MYO3B: variants seen among roughly 807,000 people sequenced by gnomAD.
The protein encoded by MYO3B is myosin-IIIb.
Under a neutral mutation model 174.6 loss-of-function variants are expected in MYO3B, and 156 were observed. The ratio of observed to expected loss-of-function variants is 0.89; its 90% CI spans 0.78 to 1.02. The LOEUF (loss-of-function observed/expected upper bound fraction) is 1.02. Among genes scored for constraint, MYO3B ranks in the 50% least tolerant of loss-of-function variants. The pLI, the probability that MYO3B is intolerant of heterozygous loss-of-function variation, is 0.00. For synonymous variants in MYO3B, 563 were observed against 569.1 expected (o/e 0.99, Z 0.15); for missense variants, 1,632 against 1,639.4 (o/e 1.00, Z 0.08).
chr2:170,402,985 C>A lies in MYO3B; in HGVS notation c.2267C>A (p.Ala756Asp). ...TACTATTTCAATCAGCATGTTTTTG[C>A]TCTTGAGCAGGTAATAGTGAACTCT... ...IQYYFNQHVF[A>D]LEQMEYQNEG... The change falls in exon 19 of 35, where the codon GCT (alanine) becomes GAT (aspartate). Residue 756 changes from alanine to aspartate, a missense_variant. Transcript: ENST00000408978. The A allele has an allele frequency of 6.2e-7, 1 of 1,600,192 alleles. No homozygotes were observed. The highest frequency in any genetic ancestry group is 8.6e-7 in the Non-Finnish European group (1 of 1,169,212).
intron 32 of MYO3B, among the ~76,000 whole-genome samples, chr2:170,599,806 G>T (rs1694387401): frequency 6.6e-6 from 1 of 152,070 alleles, no homozygotes; most frequent in South Asian, 2.1e-4. Context: ...TAGAGTGCTT[G>T]CCCTTAGTCT....
At chr2:170,238,971 T>C (rs1417876720) in intron 7 of MYO3B, among the ~76,000 whole-genome samples, 1 of 152,196 alleles carries the variant, frequency 6.6e-6, no homozygotes, top group Admixed American at 6.5e-5. Context: ...TTTCCCACTT[T>C]GCAAACACAC....
intron 7 of MYO3B, among the ~76,000 whole-genome samples, chr2:170,237,697 G>A (rs1387750275): frequency 6.6e-6 from 1 of 152,148 alleles, no homozygotes; most frequent in African/African-American, 2.4e-5. Flanking sequence ...TGTGGAATAC[G>A]AGTAACTAAG....
chr2:170,244,840 A>G (rs1299037949), intron 7 of MYO3B, among the ~76,000 whole-genome samples: 1 of 152,190 alleles, frequency 6.6e-6, no homozygotes. Context: ...ATATATTTGT[A>G]TCTTTGGCCT....
At chr2:170,417,928 T>C (rs1426364829) in intron 22 of MYO3B, among the ~76,000 whole-genome samples, 9 of 152,120 alleles carry the variant, frequency 5.9e-5, no homozygotes, top group Non-Finnish European at 1.2e-4. Flanking sequence ...CACAATTCAA[T>C]GTATAATAGG....
chr2:170,561,015 T>C (rs957919712), intron 32 of MYO3B, among the ~76,000 whole-genome samples: 1 of 152,244 alleles, frequency 6.6e-6, no homozygotes, highest in Non-Finnish European at 1.5e-5. Flanking sequence ...ACACTTGTAC[T>C]CTGCCTTCTG....
intron 7 of MYO3B, among the ~76,000 whole-genome samples, chr2:170,325,717 G>C (rs751103789): frequency 1.3e-5 from 2 of 152,064 alleles, no homozygotes; most frequent in African/African-American, 2.4e-5. Flanking sequence ...TGCTCTCAGC[G>C]TAGTTAAGCT....
intron 30 of MYO3B, among the ~76,000 whole-genome samples, chr2:170,540,165 TA>T (rs1454909419): frequency 6.6e-6 from 1 of 151,924 alleles, no homozygotes; most frequent in African/African-American, 2.4e-5. Context: ...CTCCAAATAA[TA>T]AAAAATTAGC....
chr2:170,372,245 TC>T (rs1558934695), intron 9 of MYO3B, among the ~76,000 whole-genome samples: 1 of 152,020 alleles, frequency 6.6e-6, no homozygotes, highest in Non-Finnish European at 1.5e-5. Flanking sequence ...CAAAGTTTCT[TC>T]TATAAAACGG....
At chr2:170,372,035 C>T (rs968987384) in intron 9 of MYO3B, among the ~76,000 whole-genome samples, 11 of 141,982 alleles carry the variant, frequency 7.7e-5, no homozygotes, top group Non-Finnish European at 1.5e-4. Flanking sequence ...GGCAGGATCA[C>T]TTGAGCCCAG....
chr2:170,499,215 A>G (rs1405730833), intron 26 of MYO3B, among the ~76,000 whole-genome samples: 3 of 152,184 alleles, frequency 2.0e-5, no homozygotes. Context: ...GACGATGGCA[A>G]CACTGCTCCT....
At chr2:170,577,054 A>G (rs1216236806) in intron 32 of MYO3B, among the ~76,000 whole-genome samples, 5 of 152,168 alleles carry the variant, frequency 3.3e-5, no homozygotes, top group Admixed American at 3.3e-4. Context: ...GTTCAGTTGC[A>G]TAAGGAAGCC....
At chr2:170,621,544 T>C (rs1208255250) in intron 32 of MYO3B, among the ~76,000 whole-genome samples, 2 of 150,470 alleles carry the variant, frequency 1.3e-5, no homozygotes, top group African/African-American at 2.5e-5. Flanking sequence ...AGAGTCTCAC[T>C]CTGTGCCCAG....
chr2:170,467,166 A>G (rs1212900422), intron 25 of MYO3B, among the ~76,000 whole-genome samples: 1 of 152,218 alleles, frequency 6.6e-6, no homozygotes, highest in Non-Finnish European at 1.5e-5. Context: ...GTATTATCTC[A>G]TTTGATCCAT....
intron 8 of MYO3B, among the ~76,000 whole-genome samples, chr2:170,351,798 A>G (rs1195133354): frequency 6.6e-6 from 1 of 152,222 alleles, no homozygotes; most frequent in Non-Finnish European, 1.5e-5. Context: ...AAATTCATGG[A>G]ATAGTCTGAA....
At chr2:170,266,990 A>G (rs1475484014) in intron 7 of MYO3B, among the ~76,000 whole-genome samples, 2 of 152,360 alleles carry the variant, frequency 1.3e-5, no homozygotes, top group South Asian at 2.1e-4. Flanking sequence ...AAACCCCACT[A>G]TCTGATTAAC....
intron 23 of MYO3B, among the ~76,000 whole-genome samples, chr2:170,462,259 T>C (rs777853264): frequency 6.6e-6 from 1 of 152,242 alleles, no homozygotes. Context: ...AAAGCTGCAC[T>C]GTCTCTGATG....
chr2:170,648,712 T>TATATAATATATATTATATTCC (rs1698590552), intron 32 of MYO3B, among the ~76,000 whole-genome samples: 2 of 116,232 alleles, frequency 1.7e-5, no homozygotes, highest in African/African-American at 3.8e-5. Flanking sequence ...TATTATATTC[T>TATATAATATATATTATATTCC]ATATAATATG....
intron 7 of MYO3B, among the ~76,000 whole-genome samples, chr2:170,291,677 G>A (rs2093597137): frequency 6.7e-6 from 1 of 149,912 alleles, no homozygotes; most frequent in Non-Finnish European, 1.5e-5. Flanking sequence ...ATATTCAAAG[G>A]ATAATTTTGC....
Sources: allele counts gnomAD v4.1 joint callset (sites outside exome capture counted in the v4.1 genomes callset), GRCh38; gene constraint gnomAD v4.1.1; transcripts MANE v1.5; gene names NCBI Gene and HGNC (gene_info 2026-07-23, HGNC 2026-07-21).